TNNT2: variants seen among roughly 807,000 people sequenced by gnomAD.
The protein encoded by TNNT2 is troponin T2, cardiac type, also known as troponin T, cardiac muscle.
A neutral mutation model predicts 62.4 loss-of-function variants in TNNT2; 34 were observed. The observed-to-expected ratio is 0.54, with a 90% CI of 0.41 to 0.72. TNNT2 has a LOEUF of 0.72. Among genes scored for constraint, TNNT2 ranks in the 30% least tolerant of loss-of-function variants. TNNT2 has a pLI of 0.00. For synonymous variants in TNNT2, 123 were observed against 127.2 expected (o/e 0.97, Z 0.22); for missense variants, 275 against 381.9 (o/e 0.72, Z 2.33).
At chr1:201,366,564 A>T (rs1659703375) in intron 8 of TNNT2, 1 of 1,349,466 alleles carries the variant, frequency 7.4e-7, no homozygotes, top group East Asian at 3.0e-5. Flanking sequence ...GAGAGAGGAG[A>T]GTGTCCGTTC....
rs1104859 is a variant in TNNT2 at position 201,362,426 on chromosome 1, T to G, written c.601-32A>C. On this transcript the variant is annotated intron_variant, in intron 12 of 16. Coordinates refer to ENST00000656932, the MANE Select transcript of TNNT2 (RefSeq NM_001276345.2). The stretch of plus-strand genomic sequence containing the variant: ...CGGGAAACCATGAGAGAGAGGCCCA[T>G]AGAAAAAGACCAAGACGGCAACAGA... 0.72 allele frequency: 1,164,546 copies of G among 1,611,296 alleles called. 422,566 individuals carry two copies. Among genetic ancestry groups the G allele is most frequent in the South Asian group, 0.82 (74,334 of 90,570 alleles).
chr1:201,365,528 C>T, intron 9 of TNNT2, 82 bp downstream of exon 9: 1 of 1,509,912 alleles, frequency 6.6e-7, no homozygotes, highest in African/African-American at 1.4e-5. Context: ...CTACCCCAGC[C>T]CAAGGTCACA....
Position 201,365,191 on chromosome 1 carries a change from G to T in TNNT2, c.411C>A (p.Ile137=). ...TTAGGTGGGCAGACTGGACACCTAC[G>T]ATCCTGTCTTTGAGAGAAACGAGCT... ...EEELVSLKDR[I]ERRRAERAEQ... is the part of the protein sequence containing the mutation. Residue 137 remains isoleucine (I), a splice_region_variant and synonymous_variant, in exon 10 of 17, where the codon ATC becomes ATA. Coordinates refer to ENST00000656932, the MANE Select transcript of TNNT2 (RefSeq NM_001276345.2). 1 of 1,611,202 alleles carries T rather than the reference G, an allele frequency of 6.2e-7. No homozygotes were observed. The highest frequency in any genetic ancestry group is 8.5e-7 in the Non-Finnish European group (1 of 1,177,324).
At position 201,361,379 on chromosome 1, in the gene TNNT2, CAAG is replaced by C. The variant is rs397516480; in HGVS notation, c.720-13_720-11del. The stretch of plus-strand genomic sequence containing the variant: ...CTCCTTGGCCTTCTCCCTGCACGGG[CAAG>C]GGTGAGAATGGGGAGGTCCAGTAAG... On this transcript the variant is annotated splice_polypyrimidine_tract_variant and intron_variant, in intron 14 of 16. Transcript: ENST00000656932. 68 of 1,613,360 alleles carry C rather than the reference CAAG, an allele frequency of 4.2e-5. No homozygotes were observed. In the African/African-American group the frequency reaches 8.4e-4, roughly 20 times the overall value.
At chr1:201,366,669 T>C (rs556627576) in intron 8 of TNNT2, 169 bp downstream of exon 8, 8 of 1,527,922 alleles carry the variant, frequency 5.2e-6, no homozygotes, top group Non-Finnish European at 7.0e-6. Flanking sequence ...ACTCACTCCC[T>C]TAGGAAGAGA....
At chr1:201,363,633 C>G (rs559784281) in intron 11 of TNNT2, 1 of 545,962 alleles carries the variant, frequency 1.8e-6, no homozygotes, top group East Asian at 3.3e-5. Flanking sequence ...GAGGTCTCGT[C>G]ATCCCCTTAA....
chr1:201,369,704 T>C (rs1317426235), intron 5 of TNNT2, 112 bp downstream of exon 5: 9 of 1,337,708 alleles, frequency 6.7e-6, no homozygotes, highest in Non-Finnish European at 7.5e-6. Context: ...ACCCACTCCG[T>C]CCCTGCCGCC....
rs966405887 is a variant in TNNT2 at position 201,361,105 on chromosome 1, C to T, written c.810+174G>A. 25 of 737,956 alleles carry T rather than the reference C, an allele frequency of 3.4e-5. No homozygotes were observed. In the East Asian group the frequency reaches 4.2e-4, roughly 12 times the overall value. 45.7% of individuals were successfully genotyped at this position (737,956 alleles called of 1,614,324 possible). ...CACTTCCAGCAAGCAGTCGTCAATGCGGTGGACATGGAACACTGCTGAAGG... is the reference window on the plus strand; with the variant it reads ...CACTTCCAGCAAGCAGTCGTCAATGTGGTGGACATGGAACACTGCTGAAGG... On this transcript the variant is annotated intron_variant, in intron 15 of 16. Transcript: ENST00000656932.
chr1:201,363,936 A>G, intron 11 of TNNT2: 1 of 253,752 alleles, frequency 3.9e-6, no homozygotes, highest in Non-Finnish European at 7.4e-6. Context: ...TGCCCAGGCT[A>G]GAGTGCAATG....
chr1:201,369,758 A>T, intron 5 of TNNT2, 58 bp downstream of exon 5: 1 of 1,609,098 alleles, frequency 6.2e-7, no homozygotes, highest in Non-Finnish European at 8.5e-7. Context: ...CTGGACAAGG[A>T]GGCTGCACTT....
chr1:201,376,917 C>A (rs997076173), intron 1 of TNNT2, among the ~76,000 whole-genome samples: 1 of 152,206 alleles, frequency 6.6e-6, no homozygotes, highest in Non-Finnish European at 1.5e-5. Flanking sequence ...CCCAGTGGGG[C>A]CTTTCCCCAT....
At chr1:201,369,708 T>C (rs890130507) in intron 5 of TNNT2, 108 bp downstream of exon 5, 6 of 1,389,664 alleles carry the variant, frequency 4.3e-6, no homozygotes, top group African/African-American at 1.4e-5. Flanking sequence ...ACTCCGTCCC[T>C]GCCGCCTACT....
intron 8 of TNNT2, chr1:201,366,528 G>A: frequency 1.6e-6 from 2 of 1,261,864 alleles, no homozygotes; most frequent in South Asian, 1.9e-5. Context: ...CCTCGGCCAT[G>A]GAGGAGGGTG....
At chr1:201,366,912 C>A (rs1032575628) in intron 7 of TNNT2, 41 bp from the exon 8 acceptor site, 1 of 1,614,040 alleles carries the variant, frequency 6.2e-7, no homozygotes, top group Non-Finnish European at 8.5e-7. Context: ...TCAGGGGGCC[C>A]CAGAAGTGGT....
chr1:201,374,830 G>A (rs1178730912), intron 1 of TNNT2: 1 of 152,262 alleles, frequency 6.6e-6, no homozygotes, highest in Admixed American at 6.5e-5. Context: ...CTCTGTTATA[G>A]TGCAATATGC....
At position 201,372,009 on chromosome 1, in the gene TNNT2, C is replaced by G. The variant is rs1036723379; in HGVS notation, c.67+18G>C. 6.2e-7 allele frequency: 1 copy of G among 1,613,922 alleles called. No individual in the cohort carries two copies. The highest frequency in any genetic ancestry group is 1.3e-5 in the African/African-American group (1 of 74,976). On this transcript the variant is annotated intron_variant, in intron 4 of 16. Coordinates refer to ENST00000656932, the MANE Select transcript of TNNT2 (RefSeq NM_001276345.2). The stretch of plus-strand genomic sequence containing the variant: ...GAGCCTGCCCCTTTCTGGCTCTCCA[C>G]CTGCCTGAGGCACATACCTTCAACA...
intron 1 of TNNT2, chr1:201,374,196 G>A (rs1558253312): frequency 6.6e-6 from 1 of 152,186 alleles, no homozygotes; most frequent in South Asian, 2.1e-4. Flanking sequence ...GGAGAAACTA[G>A]GCACCGTGTG....
intron 8 of TNNT2, chr1:201,365,999 C>T: frequency 8.2e-7 from 1 of 1,220,860 alleles, no homozygotes. Flanking sequence ...ATCAAAGAAG[C>T]TGTGACAAGA....
At chr1:201,364,735 G>C (rs1218926621) in intron 10 of TNNT2, among the ~76,000 whole-genome samples, 1 of 152,238 alleles carries the variant, frequency 6.6e-6, no homozygotes, top group Non-Finnish European at 1.5e-5. Context: ...AGCCAGAGCA[G>C]CATGTCTGTG....
Sources: gnomAD v4.1 joint callset for allele counts (sites outside exome capture counted in the v4.1 genomes callset) on GRCh38, gnomAD v4.1.1 for gene constraint, MANE v1.5 for transcripts, NCBI Gene and HGNC (gene_info 2026-07-23, HGNC 2026-07-21) for gene names.